KCNN2: variants seen among roughly 807,000 people sequenced by gnomAD.
KCNN2 encodes potassium calcium-activated channel subfamily N member 2.
In KCNN2, 24 loss-of-function variants were observed where a neutral mutation model predicts 55.5. That is an observed-to-expected ratio of 0.43 (90% CI 0.31 to 0.61). The LOEUF is 0.61. Among genes scored for constraint, KCNN2 ranks in the 20% least tolerant of loss-of-function variants. KCNN2 has a pLI of 0.08. For missense variants in KCNN2, 754 were observed against 853.6 expected, an observed-to-expected ratio of 0.88 and a Z score of 1.45; for synonymous variants, 431 against 336.1, an observed-to-expected ratio of 1.28 and a Z score of -3.09.
intron 2 of KCNN2, among the ~76,000 whole-genome samples, chr5:114,400,437 T>C (rs1758753035): frequency 6.6e-6 from 1 of 152,204 alleles, no homozygotes. Context: ...CTTCCACAAC[T>C]GCCCCTCTTC....
At position 114,373,419 on chromosome 5, in the gene KCNN2, C is replaced by T. The variant is rs79078986; in HGVS notation, c.1218+9418C>T. 2.4e-3 allele frequency among the ~76,000 whole-genome samples: 357 copies of T among 151,350 alleles called. 2 individuals are homozygous for T. The highest frequency in any genetic ancestry group is 8.3e-3 in the African/African-American group (343 of 41,346). On this transcript the variant is annotated intron_variant, in intron 2 of 7. Coordinates refer to ENST00000673685, the MANE Select transcript of KCNN2 (RefSeq NM_021614.4). ...GAAGCTTTAAAAGTGTGATTTCTGA[C>T]AATTTTCTCTAAACTTTCCTGCTGA...
chr5:114,333,587 A>G (rs1374192661), intron 2 of KCNN2, among the ~76,000 whole-genome samples: 1 of 151,074 alleles, frequency 6.6e-6, no homozygotes, highest in Non-Finnish European at 1.5e-5. Context: ...TGTAGATGGC[A>G]GTTACTGTTG....
At chr5:114,288,106 C>A (rs1293846801) in intron 2 of KCNN2, among the ~76,000 whole-genome samples, 1 of 152,168 alleles carries the variant, frequency 6.6e-6, no homozygotes, top group African/African-American at 2.4e-5. Flanking sequence ...AACGTGTGCT[C>A]TTTTGTGTCT....
chr5:114,083,858 C>G (rs886225919), intron 1 of KCNN2, among the ~76,000 whole-genome samples: 1 of 152,096 alleles, frequency 6.6e-6, no homozygotes, highest in Non-Finnish European at 1.5e-5. Flanking sequence ...TCTTCCCACT[C>G]CAAACCTCTG....
At chr5:114,241,066 T>C (rs964425333) in intron 2 of KCNN2, among the ~76,000 whole-genome samples, 1 of 152,014 alleles carries the variant, frequency 6.6e-6, no homozygotes, top group African/African-American at 2.4e-5. Context: ...TGTGTCTATA[T>C]GTATCCTGAT....
At chr5:114,235,831 A>C (rs573331146) in intron 2 of KCNN2, among the ~76,000 whole-genome samples, 1 of 152,342 alleles carries the variant, frequency 6.6e-6, no homozygotes, top group Middle Eastern at 3.4e-3. Flanking sequence ...CTGTACTAAT[A>C]CTTTGATTTG....
intron 2 of KCNN2, among the ~76,000 whole-genome samples, chr5:114,322,096 A>G (rs1756625868): frequency 6.6e-6 from 1 of 152,224 alleles, no homozygotes; most frequent in Non-Finnish European, 1.5e-5. Flanking sequence ...TTCTGTTACA[A>G]TAAAACTCAC....
intron 2 of KCNN2, among the ~76,000 whole-genome samples, chr5:114,306,473 T>A (rs1756273976): frequency 6.6e-6 from 1 of 152,160 alleles, no homozygotes; most frequent in African/African-American, 2.4e-5. Flanking sequence ...GTGGGGTGGT[T>A]ATAAGGCTCT....
At chr5:114,451,860 A>G (rs971617166) in intron 3 of KCNN2, among the ~76,000 whole-genome samples, 8 of 151,342 alleles carry the variant, frequency 5.3e-5, no homozygotes, top group South Asian at 2.1e-4. Flanking sequence ...TCACGCCACT[A>G]CACTCCAGCC....
chr5:114,194,314 C>G (rs186923151), intron 1 of KCNN2, among the ~76,000 whole-genome samples: 7 of 152,114 alleles, frequency 4.6e-5, no homozygotes, highest in Admixed American at 2.6e-4. Context: ...TACATTCCCA[C>G]CAGCAATGTA....
At chr5:114,108,779 A>G (rs1324289816) in intron 1 of KCNN2, among the ~76,000 whole-genome samples, 1 of 151,940 alleles carries the variant, frequency 6.6e-6, no homozygotes, top group Non-Finnish European at 1.5e-5. Flanking sequence ...CTATCAATTG[A>G]CAGTGGATTG....
intron 2 of KCNN2, among the ~76,000 whole-genome samples, chr5:114,226,112 A>T (rs1754233327): frequency 2.3e-5 from 1 of 42,720 alleles, no homozygotes; most frequent in Non-Finnish European, 4.6e-5. Flanking sequence ...AAGAGAAAGC[A>T]TTCCTGTTTT....
intron 1 of KCNN2, among the ~76,000 whole-genome samples, chr5:114,178,771 T>G (rs1753183901): frequency 6.6e-6 from 1 of 152,226 alleles, no homozygotes; most frequent in African/African-American, 2.4e-5. Context: ...AGTTAGGGTT[T>G]CATTTGTCAT....
intron 1 of KCNN2, among the ~76,000 whole-genome samples, chr5:114,072,089 T>A (rs928319607): frequency 9.9e-5 from 15 of 152,050 alleles, no homozygotes; most frequent in African/African-American, 3.6e-4. Context: ...GGTCGGGAGT[T>A]CAAGACCAGC....
intron 2 of KCNN2, among the ~76,000 whole-genome samples, chr5:114,237,479 T>C (rs1454283875): frequency 1.3e-5 from 2 of 152,224 alleles, no homozygotes; most frequent in African/African-American, 2.4e-5. Flanking sequence ...ACCTATGCAG[T>C]TGTGGACATT....
intron 3 of KCNN2, among the ~76,000 whole-genome samples, chr5:114,440,252 A>G (rs1485946249): frequency 1.3e-5 from 2 of 152,212 alleles, no homozygotes; most frequent in African/African-American, 4.8e-5. Flanking sequence ...ATAAAAAACT[A>G]GAGCTGGAAT....
intron 5 of KCNN2, among the ~76,000 whole-genome samples, chr5:114,475,625 C>T (rs1477961773): frequency 6.6e-6 from 1 of 152,058 alleles, no homozygotes; most frequent in African/African-American, 2.4e-5. Context: ...TCGAGTATTC[C>T]AAAGATTTTA....
chr5:114,241,724 ATATATATACATATATACG>A lies in KCNN2; in HGVS notation c.-185+20168_-185+20185del, dbSNP rs1561536914. Among the ~76,000 whole-genome samples the A allele has an allele frequency of 3.6e-4, 34 of 95,726 alleles. 1 individual carries two copies. Among genetic ancestry groups the A allele is most frequent in the Non-Finnish European group, 6.4e-4 (31 of 48,384 alleles). 62.8% of individuals were successfully genotyped at this position (95,726 alleles called of 152,430 possible). The stretch of plus-strand genomic sequence containing the variant: ...TATGTGGATATATATATATATACGT[ATATATATACATATATACG>A]TATATATATGTATATATATACGTAT... On this transcript the variant is annotated intron_variant, in intron 2 of 10. Transcript: ENST00000512097.
At chr5:114,154,856 A>G (rs1440874478) in intron 1 of KCNN2, among the ~76,000 whole-genome samples, 3 of 152,162 alleles carry the variant, frequency 2.0e-5, no homozygotes, top group Non-Finnish European at 2.9e-5. Context: ...TTGTAGCAAT[A>G]GAAATATTTT....
Sources: gnomAD v4.1 joint callset for allele counts (sites outside exome capture counted in the v4.1 genomes callset) on GRCh38, gnomAD v4.1.1 for gene constraint, MANE v1.5 for transcripts, NCBI Gene and HGNC (gene_info 2026-07-23, HGNC 2026-07-21) for gene names.